The following TBC1D8 variants were observed in gnomAD, a reference collection of about 807,000 sequenced individuals.
TBC1D8 encodes the protein BUB2-like protein 1.
A neutral mutation model predicts 118.8 loss-of-function variants in TBC1D8; 65 were observed. The ratio of observed to expected loss-of-function variants is 0.55; its 90% confidence interval spans 0.45 to 0.67. The LOEUF (loss-of-function observed/expected upper bound fraction) is 0.67. Among genes scored for constraint, TBC1D8 ranks in the 30% least tolerant of loss-of-function variants. The pLI, the probability that TBC1D8 is intolerant of heterozygous loss-of-function variation, is 0.00. For missense variants in TBC1D8, 1,376 were observed against 1,471.2 expected (o/e 0.94, Z 1.06); for synonymous variants, 566 against 595.8 (o/e 0.95, Z 0.73).
At chr2:101,095,381 C>T in intron 1 of TBC1D8, among the ~76,000 whole-genome samples, 1 of 150,606 alleles carries the variant, frequency 6.6e-6, no homozygotes. Context: ...AGGTATATCT[C>T]CTAATGCTAT....
chr2:101,137,398 C>T (rs1678902811), intron 1 of TBC1D8, among the ~76,000 whole-genome samples: 2 of 151,956 alleles, frequency 1.3e-5, no homozygotes, highest in South Asian at 2.1e-4. Flanking sequence ...CTGCAAGCTC[C>T]GCCTCCCGGG....
At chr2:101,132,059 T>G (rs1678619806) in intron 1 of TBC1D8, among the ~76,000 whole-genome samples, 1 of 152,200 alleles carries the variant, frequency 6.6e-6, no homozygotes, top group South Asian at 2.1e-4. Flanking sequence ...TCACTTTTTA[T>G]TTGGAAATAA....
At chr2:101,015,003 C>T (rs767190279) in intron 17 of TBC1D8, among the ~76,000 whole-genome samples, 7 of 152,078 alleles carry the variant, frequency 4.6e-5, no homozygotes, top group African/African-American at 7.2e-5. Context: ...GAGAGGAATA[C>T]GTTCTGAGAA....
chr2:101,010,014 G>A (rs536096014), intron 19 of TBC1D8, among the ~76,000 whole-genome samples: 97 of 151,866 alleles, frequency 6.4e-4, no homozygotes, highest in African/African-American at 2.3e-3. Context: ...TTTTAGTAGA[G>A]ACGGGGTTTC....
chr2:101,076,621 G>C (rs578215281), intron 2 of TBC1D8, among the ~76,000 whole-genome samples: 3 of 152,210 alleles, frequency 2.0e-5, no homozygotes, highest in African/African-American at 7.2e-5. Flanking sequence ...ATAAAAATTG[G>C]CCCAACTTCT....
intron 17 of TBC1D8, among the ~76,000 whole-genome samples, chr2:101,013,418 A>G (rs1319891679): frequency 3.9e-5 from 6 of 152,208 alleles, no homozygotes; most frequent in Admixed American, 3.9e-4. Flanking sequence ...ATTCCTATAT[A>G]TATGTAGCCT....
chr2:101,030,323 TAGTA>T (rs1680594099), intron 11 of TBC1D8, among the ~76,000 whole-genome samples: 2 of 152,140 alleles, frequency 1.3e-5, no homozygotes, highest in South Asian at 2.1e-4. Context: ...TCTTGCAACT[TAGTA>T]AGAAGGTAAC....
intron 1 of TBC1D8, among the ~76,000 whole-genome samples, chr2:101,110,398 T>C (rs1042360341): frequency 3.9e-5 from 6 of 152,054 alleles, no homozygotes; most frequent in African/African-American, 1.4e-4. Flanking sequence ...GTAACACCCA[T>C]CCCTCTTCCC....
intron 17 of TBC1D8, among the ~76,000 whole-genome samples, chr2:101,017,268 T>C (rs1000405701): frequency 3.3e-5 from 5 of 152,174 alleles, no homozygotes; most frequent in Admixed American, 6.5e-5. Flanking sequence ...TGTTTTACAG[T>C]TTATTTTTTT....
chr2:101,064,458 C>T (rs1682917766), intron 2 of TBC1D8, among the ~76,000 whole-genome samples: 1 of 152,102 alleles, frequency 6.6e-6, no homozygotes, highest in African/African-American at 2.4e-5. Flanking sequence ...GGGAGCAGCT[C>T]TAGCAAACTA....
In TBC1D8 at chr2:101,150,578, T is replaced by C. The variant is rs572603355; in HGVS notation, c.127+549A>G. 4.6e-5 allele frequency among the ~76,000 whole-genome samples: 7 copies of C among 152,336 alleles called. No individual in the cohort carries two copies. The South Asian group carries it at 1.4e-3, about 32-fold the overall frequency. On this transcript the variant is annotated intron_variant, in intron 1 of 19. Transcript: ENST00000409318. The stretch of plus-strand genomic sequence containing the variant: ...GATCTGTTCAATTTCTCTACTGAGA[T>C]CACGAGCTTGGGATTCGCCCACCCT...
intron 1 of TBC1D8, chr2:101,110,097 T>C (rs1397021215): frequency 5.4e-5 from 47 of 869,948 alleles, no homozygotes; most frequent in Non-Finnish European, 6.3e-5. Context: ...AGTGACAAGT[T>C]TTATAATTAG....
At chr2:101,089,702 T>C (rs974113213) in intron 2 of TBC1D8, among the ~76,000 whole-genome samples, 1 of 151,938 alleles carries the variant, frequency 6.6e-6, no homozygotes, top group African/African-American at 2.4e-5. Context: ...ATGATCACAA[T>C]AGGAGAAGAC....
rs1188022192 is a variant in TBC1D8 at position 101,033,753 on chromosome 2, C to T, written c.1609G>A (p.Val537Met). The stretch of plus-strand genomic sequence containing the variant: ...CCAGGGTGTGAGGCAAGATCCGTCA[C>T]CGCATCTGAGTTTTAAAAGCAATGT... ...GRLWLLFSDAVTDLASHPGYY... is the reference protein window; with the variant it reads ...GRLWLLFSDAMTDLASHPGYY... The change falls in exon 10 of 20, where the codon GTG (valine) becomes ATG (methionine). Residue 537 changes from valine (V) to methionine (M), a missense_variant. Transcript: ENST00000409318. The T allele has an allele frequency of 6.2e-7, 1 of 1,611,842 alleles. No homozygotes were observed. The highest frequency in any genetic ancestry group is 1.1e-5 in the South Asian group (1 of 91,050).
At chr2:101,141,149 C>T (rs1265166746) in intron 1 of TBC1D8, among the ~76,000 whole-genome samples, 1 of 151,892 alleles carries the variant, frequency 6.6e-6, no homozygotes, top group African/African-American at 2.4e-5. Flanking sequence ...CACCCGAGAC[C>T]CAACACTCAC....
intron 16 of TBC1D8, among the ~76,000 whole-genome samples, chr2:101,021,972 A>C (rs1156500048): frequency 6.6e-6 from 1 of 152,180 alleles, no homozygotes; most frequent in East Asian, 1.9e-4. Context: ...TACCTTCCAA[A>C]ACATTTTAAT....
chr2:101,086,855 G>A (rs564723934), intron 2 of TBC1D8, among the ~76,000 whole-genome samples: 2 of 152,032 alleles, frequency 1.3e-5, no homozygotes, highest in South Asian at 2.1e-4. Flanking sequence ...GCATGATCTC[G>A]GCTCACTACA....
chr2:101,125,470 C>T (rs1197835042), intron 1 of TBC1D8, among the ~76,000 whole-genome samples: 2 of 152,150 alleles, frequency 1.3e-5, no homozygotes, highest in African/African-American at 2.4e-5. Flanking sequence ...TTCCACAAAG[C>T]ACAGTATAGT....
At chr2:101,037,404 A>C in intron 8 of TBC1D8, 128 bp downstream of exon 8, 1 of 1,331,944 alleles carries the variant, frequency 7.5e-7, no homozygotes, top group Non-Finnish European at 1.0e-6. Context: ...CATGAGAACA[A>C]GACGGAGGAG....
Sources: allele counts gnomAD v4.1 joint callset (sites outside exome capture counted in the v4.1 genomes callset), GRCh38; gene constraint gnomAD v4.1.1; transcripts MANE v1.5; gene names NCBI Gene and HGNC (gene_info 2026-07-23, HGNC 2026-07-21).